The following DLGAP2 variants were observed in gnomAD, a reference collection of about 807,000 sequenced individuals.
DLGAP2 encodes disks large-associated protein 2.
A neutral mutation model predicts 100.3 loss-of-function variants in DLGAP2; 26 were observed. The ratio of observed to expected loss-of-function variants is 0.26; its 90% CI spans 0.19 to 0.36. The LOEUF is 0.36. Ranked by LOEUF, DLGAP2 falls within the 10% of genes least tolerant of loss-of-function variation. The pLI, the probability that DLGAP2 is intolerant of heterozygous loss-of-function variation, is 1.00. For synonymous variants in DLGAP2, 886 were observed against 630.1 expected, an observed-to-expected ratio of 1.41 and a Z score of -6.08; for missense variants, 1,858 against 1,453.2, an observed-to-expected ratio of 1.28 and a Z score of -4.53.
chr8:1,374,823 A>C (rs1279705512), intron 3 of DLGAP2, among the ~76,000 whole-genome samples: 1 of 152,150 alleles, frequency 6.6e-6, no homozygotes, highest in Non-Finnish European at 1.5e-5. Context: ...AGCAGAGGCC[A>C]CTCAGGAAAG....
In DLGAP2 at chr8:964,694, C is replaced by G. The variant is rs368021364; in HGVS notation, c.73+56728C>G. ...TCAGGGGTCCCAGTGTGGCTTCTGC[C>G]CACACCCAAGGGGCCCAGGCCTTTG... On this transcript the variant is annotated intron_variant, in intron 2 of 14. Coordinates refer to ENST00000637795, the MANE Select transcript of DLGAP2 (RefSeq NM_001346810.2). Among the ~76,000 whole-genome samples, 31 of 152,304 alleles carry G rather than the reference C, an allele frequency of 2.0e-4. No homozygotes were observed. The East Asian group carries it at 3.9e-3, about 19-fold the overall frequency.
At chr8:1,110,528 G>A (rs1374253733) in intron 2 of DLGAP2, among the ~76,000 whole-genome samples, 1 of 149,848 alleles carries the variant, frequency 6.7e-6, no homozygotes, top group Admixed American at 6.7e-5. Context: ...TGCTGGGTCT[G>A]TGAGGTGTGC....
At chr8:1,032,782 G>C (rs1222084244) in intron 2 of DLGAP2, 2 of 152,246 alleles carry the variant, frequency 1.3e-5, no homozygotes, top group African/African-American at 2.4e-5. Context: ...TGTGCTGCCT[G>C]TGACGCATCC....
intron 2 of DLGAP2, among the ~76,000 whole-genome samples, chr8:1,020,384 C>T (rs1208812229): frequency 6.6e-6 from 1 of 152,216 alleles, no homozygotes; most frequent in African/African-American, 2.4e-5. Context: ...TGGTTGATTC[C>T]TATCTCTAAT....
At chr8:775,382 C>G (rs1266971062) in intron 1 of DLGAP2, among the ~76,000 whole-genome samples, 1 of 149,722 alleles carries the variant, frequency 6.7e-6, no homozygotes, top group Non-Finnish European at 1.5e-5. Flanking sequence ...ACTTCCAACA[C>G]TGTGTTGAAT....
chr8:1,318,275 T>A (rs1310956399), intron 3 of DLGAP2, among the ~76,000 whole-genome samples: 1 of 152,190 alleles, frequency 6.6e-6, no homozygotes, highest in East Asian at 1.9e-4. Context: ...GGCAACAACA[T>A]GAAATAAAAA....
intron 2 of DLGAP2, among the ~76,000 whole-genome samples, chr8:966,817 C>A (rs549408031): frequency 6.6e-6 from 1 of 152,320 alleles, no homozygotes; most frequent in African/African-American, 2.4e-5. Context: ...CAACCTTCTT[C>A]CAGCTTTATT....
intron 2 of DLGAP2, among the ~76,000 whole-genome samples, chr8:1,181,837 C>A (rs1244912204): frequency 6.6e-6 from 1 of 152,180 alleles, no homozygotes; most frequent in Non-Finnish European, 1.5e-5. Context: ...TGACAGGTAC[C>A]ACCTTCCTCC....
chr8:1,074,142 G>A (rs13268948), intron 2 of DLGAP2, among the ~76,000 whole-genome samples: 3 of 139,022 alleles, frequency 2.2e-5, no homozygotes, highest in African/African-American at 9.2e-5. Flanking sequence ...AGCAGACTGA[G>A]GCTGAACTCA....
intron 3 of DLGAP2, chr8:1,381,499 C>T (rs1381720392): frequency 1.3e-5 from 2 of 152,258 alleles, no homozygotes; most frequent in Non-Finnish European, 2.9e-5. Flanking sequence ...CACCTGTCCT[C>T]ATCCAGGCTG....
At chr8:1,207,153 T>G (rs1464265859) in intron 2 of DLGAP2, among the ~76,000 whole-genome samples, 1 of 152,248 alleles carries the variant, frequency 6.6e-6, no homozygotes, top group Admixed American at 6.5e-5. Context: ...GATAAGTGAC[T>G]GAGTGGTGAT....
At chr8:1,282,541 A>G (rs1380881001) in intron 3 of DLGAP2, among the ~76,000 whole-genome samples, 2 of 124,398 alleles carry the variant, frequency 1.6e-5, no homozygotes, top group South Asian at 5.4e-4. Flanking sequence ...ACCCTGAACC[A>G]TCCGGACATG....
intron 2 of DLGAP2, among the ~76,000 whole-genome samples, chr8:1,125,561 A>G (rs1464459342): frequency 6.6e-6 from 1 of 152,190 alleles, no homozygotes; most frequent in Non-Finnish European, 1.5e-5. Context: ...AATAGGGGCT[A>G]TTTCTTCTTG....
At chr8:1,437,967 CAA>C (rs1044582639) in intron 3 of DLGAP2, among the ~76,000 whole-genome samples, 70 of 152,090 alleles carry the variant, frequency 4.6e-4, no homozygotes, top group African/African-American at 1.4e-3. Flanking sequence ...GCCTGGGCGA[CAA>C]GAGCAAAACT....
At chr8:1,268,050 C>G (rs1181153721) in intron 3 of DLGAP2, among the ~76,000 whole-genome samples, 2 of 152,152 alleles carry the variant, frequency 1.3e-5, no homozygotes, top group Non-Finnish European at 2.9e-5. Context: ...CATCTGGTGT[C>G]TGAGATTGCG....
intron 2 of DLGAP2, among the ~76,000 whole-genome samples, chr8:1,183,193 G>A (rs762029520): frequency 6.6e-6 from 1 of 152,124 alleles, no homozygotes; most frequent in Admixed American, 6.5e-5. Context: ...GGATGGAGCC[G>A]AGAGGGCGTC....
At chr8:1,321,456 C>T (rs957928073) in intron 3 of DLGAP2, among the ~76,000 whole-genome samples, 11 of 152,272 alleles carry the variant, frequency 7.2e-5, no homozygotes, top group African/African-American at 2.4e-4. Context: ...TGCATGTGTG[C>T]GTGCATCCGC....
chr8:1,671,840 G>A (rs573547471), intron 10 of DLGAP2, among the ~76,000 whole-genome samples: 1 of 152,242 alleles, frequency 6.6e-6, no homozygotes, highest in African/African-American at 2.4e-5. Flanking sequence ...CAGGCCAGAT[G>A]CCCGTAGGAG....
At chr8:1,583,373 T>A (rs1483026534) in intron 6 of DLGAP2, among the ~76,000 whole-genome samples, 1 of 151,928 alleles carries the variant, frequency 6.6e-6, no homozygotes, top group East Asian at 1.9e-4. Context: ...TGCCCTGGGA[T>A]CACCTTTTGC....
Sources: allele counts gnomAD v4.1 joint callset (sites outside exome capture counted in the v4.1 genomes callset), GRCh38; gene constraint gnomAD v4.1.1; transcripts MANE v1.5; gene names NCBI Gene and HGNC (gene_info 2026-07-23, HGNC 2026-07-21).